The following EGFLAM variants were observed in gnomAD, a reference collection of about 807,000 sequenced individuals.
EGFLAM encodes EGF like, fibronectin type III and laminin G domains, also known as pikachurin.
A neutral mutation model predicts 113.1 loss-of-function variants in EGFLAM; 79 were observed. That is an observed-to-expected ratio of 0.70 (90% CI 0.58 to 0.84). EGFLAM has a LOEUF of 0.84. Among genes scored for constraint, EGFLAM ranks in the 40% least tolerant of loss-of-function variants. The probability of loss-of-function intolerance (pLI) is 0.00; values close to 1 mark genes in which losing one functional copy is unlikely to be tolerated. For synonymous variants in EGFLAM, 504 were observed against 487.6 expected, an observed-to-expected ratio of 1.03 and a Z score of -0.44; for missense variants, 1,265 against 1,291.6, an observed-to-expected ratio of 0.98 and a Z score of 0.32.
chr5:38,334,371 G>A (rs1056204333), intron 1 of EGFLAM, among the ~76,000 whole-genome samples: 1 of 152,168 alleles, frequency 6.6e-6, no homozygotes. Flanking sequence ...AACAGATTTG[G>A]TGTCTGGTGA....
At chr5:38,438,580 C>T (rs1742435649) in intron 17 of EGFLAM, 125 bp downstream of exon 17, 3 of 890,200 alleles carry the variant, frequency 3.4e-6, no homozygotes, top group Non-Finnish European at 4.7e-6. Context: ...TTATTTTGAT[C>T]AATTATTTCA....
chr5:38,328,675 A>G (rs1245866845), intron 1 of EGFLAM, among the ~76,000 whole-genome samples: 1 of 149,114 alleles, frequency 6.7e-6, no homozygotes, highest in African/African-American at 2.5e-5. Context: ...TTTCTTCGGT[A>G]ACTAGCAAAT....
chr5:38,329,302 T>C (rs1368816578), intron 1 of EGFLAM, among the ~76,000 whole-genome samples: 1 of 23,794 alleles, frequency 4.2e-5, no homozygotes, highest in Non-Finnish European at 9.1e-5. Flanking sequence ...GATAAATAAA[T>C]AAATAAATAA....
At chr5:38,388,053 C>G (rs1023884889) in intron 6 of EGFLAM, among the ~76,000 whole-genome samples, 1 of 152,186 alleles carries the variant, frequency 6.6e-6, no homozygotes, top group African/African-American at 2.4e-5. Flanking sequence ...CAGAGCCAGG[C>G]TTTTGGAATG....
intron 1 of EGFLAM, chr5:38,282,150 T>C (rs1250882796): frequency 6.6e-6 from 1 of 152,242 alleles, no homozygotes; most frequent in Non-Finnish European, 1.5e-5. Context: ...ACTTCCTATT[T>C]TACTGATTAG....
In EGFLAM at chr5:38,461,458, CTT is replaced by C. The variant is rs1397317671; in HGVS notation, c.2772-1449_2772-1448del. 3 of 152,106 alleles carry C rather than the reference CTT, an allele frequency of 2.0e-5. No individual in the cohort carries two copies. The East Asian group carries it at 5.8e-4, about 29-fold the overall frequency. 9.4% of individuals were successfully genotyped at this position (152,106 alleles called of 1,614,324 possible). On this transcript the variant is annotated intron_variant, in intron 20 of 21. Transcript: ENST00000322350. The stretch of plus-strand genomic sequence containing the variant: ...TTTTAGATATAAAAAATGAAAAACT[CTT>C]AGACTTTATGAACTAGAGTAAGTAG...
At chr5:38,445,732 C>A in intron 17 of EGFLAM, 1 of 1,596,332 alleles carries the variant, frequency 6.3e-7, no homozygotes, top group Non-Finnish European at 8.5e-7. Flanking sequence ...TGAGAAACTG[C>A]GAGAGCGCTC....
chr5:38,374,278 G>C (rs942228115), intron 6 of EGFLAM, among the ~76,000 whole-genome samples: 1 of 152,094 alleles, frequency 6.6e-6, no homozygotes, highest in Non-Finnish European at 1.5e-5. Flanking sequence ...AGAAAGAATC[G>C]TTCACACAAA....
At chr5:38,434,492 G>A (rs956464992) in intron 15 of EGFLAM, among the ~76,000 whole-genome samples, 2 of 152,208 alleles carry the variant, frequency 1.3e-5, no homozygotes, top group Non-Finnish European at 2.9e-5. Context: ...TTAAATCAAT[G>A]ATCAAAGCTG....
At chr5:38,372,742 A>G (rs1740258000) in intron 6 of EGFLAM, among the ~76,000 whole-genome samples, 1 of 152,218 alleles carries the variant, frequency 6.6e-6, no homozygotes, top group Non-Finnish European at 1.5e-5. Flanking sequence ...TTCTAGGTAT[A>G]CACAGTTACT....
chr5:38,282,064 T>C (rs1758033990), intron 1 of EGFLAM, among the ~76,000 whole-genome samples: 1 of 152,160 alleles, frequency 6.6e-6, no homozygotes, highest in Admixed American at 6.6e-5. Flanking sequence ...CCCACTTCTG[T>C]TTAGGTTTAG....
chr5:38,416,849 T>C (rs1238589060), intron 11 of EGFLAM, among the ~76,000 whole-genome samples: 1 of 152,106 alleles, frequency 6.6e-6, no homozygotes, highest in Non-Finnish European at 1.5e-5. Flanking sequence ...TTGTGTTGAG[T>C]CTACTATTTA....
In EGFLAM at chr5:38,418,209, C is replaced by T. The variant is rs146754357; in HGVS notation, c.1638C>T (p.Asp546=). The T allele has an allele frequency of 1.2e-6, 2 of 1,614,086 alleles. No individual in the cohort carries two copies. The change falls in exon 12 of 22, where the codon GAC becomes GAT. Residue 546 remains aspartate (D), a synonymous_variant. Coordinates refer to ENST00000322350, the MANE Select transcript of EGFLAM (RefSeq NM_152403.4). The part of the protein sequence containing the change: ...QSLAVNGRRI[D]MRPWPLGKAL... ...TCGCTGTGAATGGGAGGAGAATTGA[C>T]ATGAGGCCCTGGCCCCTGGGAAAAG...
intron 17 of EGFLAM, chr5:38,445,860 C>A: frequency 1.2e-6 from 1 of 843,682 alleles, no homozygotes. Flanking sequence ...CACTTCTCTC[C>A]TGAGCTGGGG....
intron 19 of EGFLAM, among the ~76,000 whole-genome samples, chr5:38,452,304 T>C (rs1050326893): frequency 1.3e-5 from 2 of 152,134 alleles, no homozygotes; most frequent in African/African-American, 4.8e-5. Flanking sequence ...AGTGCTGGGA[T>C]TACAGGCATG....
chr5:38,312,157 A>G (rs1488784452), intron 1 of EGFLAM, among the ~76,000 whole-genome samples: 3 of 152,124 alleles, frequency 2.0e-5, no homozygotes, highest in Admixed American at 1.3e-4. Flanking sequence ...TTTGGAGCCA[A>G]TCTGTCTTGG....
intron 7 of EGFLAM, 47 bp from the exon 8 acceptor site, chr5:38,406,781 G>A: frequency 1.3e-6 from 2 of 1,552,170 alleles, no homozygotes; most frequent in Non-Finnish European, 1.8e-6. Context: ...CAGTCCAATT[G>A]CCATGCTCTG....
chr5:38,383,759 G>A (rs1168638770), intron 6 of EGFLAM, among the ~76,000 whole-genome samples: 1 of 151,898 alleles, frequency 6.6e-6, no homozygotes, highest in Non-Finnish European at 1.5e-5. Flanking sequence ...GATGGTGGGA[G>A]CTGCTGCTTG....
At chr5:38,283,162 A>G (rs1758061997) in intron 1 of EGFLAM, among the ~76,000 whole-genome samples, 7 of 152,090 alleles carry the variant, frequency 4.6e-5, no homozygotes, top group African/African-American at 1.7e-4. Context: ...GGAAGAAAAA[A>G]ATTTACATCA....
Sources: gnomAD v4.1 joint callset for allele counts (sites outside exome capture counted in the v4.1 genomes callset) on GRCh38, gnomAD v4.1.1 for gene constraint, MANE v1.5 for transcripts, NCBI Gene and HGNC (gene_info 2026-07-23, HGNC 2026-07-21) for gene names.